The following LIPI variants were observed in gnomAD, a reference collection of about 807,000 sequenced individuals.
LIPI encodes lipase I.
Under a neutral mutation model 50.6 loss-of-function variants are expected in LIPI, and 59 were observed. The observed-to-expected ratio is 1.16, with a 90% CI of 0.94 to 1.45. The LOEUF is 1.45. Ranked by LOEUF, LIPI falls within the 40% of genes most tolerant of loss-of-function variation. LIPI has a pLI of 0.00. For missense variants in LIPI, 586 were observed against 536.3 expected (o/e 1.09, Z -0.92); for synonymous variants, 203 against 178.2 (o/e 1.14, Z -1.11).
intron 3 of LIPI, among the ~76,000 whole-genome samples, chr21:14,183,179 C>T (rs2019333907): frequency 6.6e-6 from 1 of 152,120 alleles, no homozygotes; most frequent in African/African-American, 2.4e-5. Context: ...TGCATATCTA[C>T]AACTATCTGA....
At chr21:14,206,530 T>C (rs1412903497) in intron 1 of LIPI, among the ~76,000 whole-genome samples, 1 of 152,116 alleles carries the variant, frequency 6.6e-6, no homozygotes, top group Non-Finnish European at 1.5e-5. Context: ...GCCTTAAAAC[T>C]TAGCCATAAA....
chr21:14,179,900 G>T (rs746688706), intron 4 of LIPI, among the ~76,000 whole-genome samples: 1 of 152,114 alleles, frequency 6.6e-6, no homozygotes. Context: ...CAACCATAAG[G>T]TCTGACTGCC....
chr21:14,180,169 C>G (rs892462248), intron 4 of LIPI, among the ~76,000 whole-genome samples: 3 of 152,114 alleles, frequency 2.0e-5, no homozygotes, highest in African/African-American at 7.2e-5. Context: ...GGGAAAAGCT[C>G]CGCCCTGGTA....
chr21:14,165,296 A>T lies in LIPI; in HGVS notation c.828T>A (p.Arg276=), dbSNP rs1241062926. 1.2e-6 allele frequency: 2 copies of T among 1,612,676 alleles called. No homozygotes were observed. The highest frequency in any genetic ancestry group is 3.3e-5 in the Admixed American group (2 of 60,016). ...AGCTAGTCTTGTAATCTTTGTATGAACGACAAGGAAATGAAATAAAATTGC... is the reference window on the plus strand; with the variant it reads ...AGCTAGTCTTGTAATCTTTGTATGATCGACAAGGAAATGAAATAAAATTGC... ...TNCNFISFPC[R]SYKDYKTSLC... The change falls in exon 6 of 10, where the codon CGT becomes CGA. Residue 276 remains arginine, a synonymous_variant. Coordinates refer to ENST00000681601, the MANE Select transcript of LIPI (RefSeq NM_001302998.2).
chr21:14,109,821 A>G (rs2016331269), intron 9 of LIPI, among the ~76,000 whole-genome samples: 1 of 151,776 alleles, frequency 6.6e-6, no homozygotes, highest in South Asian at 2.1e-4. Flanking sequence ...AATTTTACCA[A>G]AGCCTTTGAG....
At chr21:14,121,797 T>C (rs1470973575) in intron 9 of LIPI, among the ~76,000 whole-genome samples, 1 of 152,122 alleles carries the variant, frequency 6.6e-6, no homozygotes, top group African/African-American at 2.4e-5. Flanking sequence ...ATCCAGATCA[T>C]CCAACTCGAC....
At chr21:14,118,303 A>C (rs2016732169) in intron 9 of LIPI, among the ~76,000 whole-genome samples, 1 of 152,134 alleles carries the variant, frequency 6.6e-6, no homozygotes, top group Admixed American at 6.5e-5. Flanking sequence ...TTTATGGTAG[A>C]CACAGGTGCT....
intron 7 of LIPI, among the ~76,000 whole-genome samples, chr21:14,159,684 T>C (rs1442782019): frequency 6.6e-6 from 1 of 151,354 alleles, no homozygotes; most frequent in Admixed American, 6.6e-5. Flanking sequence ...CAGATTGTAA[T>C]AGAAGAAATA....
At chr21:14,191,257 G>A (rs1055066799) in intron 1 of LIPI, among the ~76,000 whole-genome samples, 4 of 150,396 alleles carry the variant, frequency 2.7e-5, no homozygotes, top group Non-Finnish European at 4.5e-5. Context: ...GGCGCCTGTA[G>A]TCCTAGCTAC....
intron 9 of LIPI, among the ~76,000 whole-genome samples, chr21:14,122,943 G>T (rs2016918836): frequency 6.6e-6 from 1 of 152,178 alleles, no homozygotes; most frequent in Non-Finnish European, 1.5e-5. Flanking sequence ...GGATCCAAAA[G>T]TTCAGATTCC....
At position 14,152,575 on chromosome 21, in the gene LIPI, A is replaced by G. The variant is rs763892363; in HGVS notation, c.1116T>C (p.Tyr372=). ...QLGMIEEPRL[Y]EKNKPFYKLQ... ...AGAAAATAGTAAATTTTACTTACTCATAAAGCCTTGGCTCTTCAATCATTC... is the reference window on the plus strand; with the variant it reads ...AGAAAATAGTAAATTTTACTTACTCGTAAAGCCTTGGCTCTTCAATCATTC... Residue 372 remains tyrosine, a splice_region_variant and synonymous_variant, in exon 8 of 10, where the codon TAT becomes TAC. Coordinates refer to ENST00000681601, the MANE Select transcript of LIPI (RefSeq NM_001302998.2). 7.0e-5 allele frequency: 104 copies of G among 1,493,858 alleles called. No homozygotes were observed. Among genetic ancestry groups the G allele is most frequent in the Non-Finnish European group, 6.2e-5 (67 of 1,073,884 alleles). The allele number at this position is 1,493,858 out of a possible 1,614,324, so 92.5% of individuals were successfully genotyped here.
intron 1 of LIPI, among the ~76,000 whole-genome samples, chr21:14,205,955 G>A (rs563463769): frequency 3.9e-5 from 6 of 152,212 alleles, no homozygotes; most frequent in African/African-American, 1.4e-4. Context: ...GATGTAGGAA[G>A]ATAATGACTC....
chr21:14,186,086 A>G lies in LIPI; in HGVS notation c.433-17T>C. On this transcript the variant is annotated splice_polypyrimidine_tract_variant and intron_variant, in intron 2 of 9. Coordinates refer to ENST00000681601, the MANE Select transcript of LIPI (RefSeq NM_001302998.2). ...ACCATGCTTCTGCAATTAAAGAGAA[A>G]GGCAATATTACAGTATTCATTTCAA... The G allele has an allele frequency of 7.6e-7, 1 of 1,318,878 alleles. No individual in the cohort carries two copies. The highest frequency in any genetic ancestry group is 1.1e-6 in the Non-Finnish European group (1 of 911,032). The allele number at this position is 1,318,878 out of a possible 1,614,324, so 81.7% of individuals were successfully genotyped here. A position where few individuals can be genotyped will look rare whatever the true frequency, so the allele number is the denominator to read the frequency against.
intron 1 of LIPI, among the ~76,000 whole-genome samples, chr21:14,198,569 A>T (rs2019942177): frequency 6.6e-6 from 1 of 152,186 alleles, no homozygotes; most frequent in African/African-American, 2.4e-5. Flanking sequence ...AAATCTAACC[A>T]TCCTAAATAT....
chr21:14,202,680 A>C (rs1284690437), intron 1 of LIPI, among the ~76,000 whole-genome samples: 3 of 152,190 alleles, frequency 2.0e-5, no homozygotes, highest in Non-Finnish European at 2.9e-5. Flanking sequence ...ACAAAAATTA[A>C]TTCAAGATGG....
At chr21:14,195,798 A>G (rs1600929013) in intron 1 of LIPI, among the ~76,000 whole-genome samples, 1 of 152,200 alleles carries the variant, frequency 6.6e-6, no homozygotes, top group South Asian at 2.1e-4. Context: ...CAAAAGAATT[A>G]AAGACATTTT....
intron 4 of LIPI, among the ~76,000 whole-genome samples, chr21:14,181,197 C>G (rs146975518): frequency 3.4e-3 from 517 of 152,230 alleles, no homozygotes; most frequent in Non-Finnish European, 3.9e-3. Context: ...AGGAAAGGCA[C>G]GAGGACAGTC....
At chr21:14,196,925 A>G (rs920843815) in intron 1 of LIPI, among the ~76,000 whole-genome samples, 1 of 152,134 alleles carries the variant, frequency 6.6e-6, no homozygotes, top group African/African-American at 2.4e-5. Context: ...AAAACATAGT[A>G]AAGGTCCAAT....
intron 4 of LIPI, among the ~76,000 whole-genome samples, chr21:14,181,052 T>G (rs968504663): frequency 6.6e-6 from 1 of 152,176 alleles, no homozygotes; most frequent in African/African-American, 2.4e-5. Flanking sequence ...TTTCCTCAAC[T>G]GTAAAGGGAA....
Sources: allele counts gnomAD v4.1 joint callset (sites outside exome capture counted in the v4.1 genomes callset), GRCh38; gene constraint gnomAD v4.1.1; transcripts MANE v1.5; gene names NCBI Gene and HGNC (gene_info 2026-07-23, HGNC 2026-07-21).